The following HDAC1 variants were observed in gnomAD, a reference collection of about 807,000 sequenced individuals.
HDAC1 encodes protein deacetylase HDAC1.
HDAC1 carries 18 observed loss-of-function variants against 65.5 expected under a neutral mutation model. The ratio of observed to expected loss-of-function variants is 0.27; its 90% CI spans 0.19 to 0.41. The LOEUF is 0.41. Ranked by LOEUF, HDAC1 falls within the 10% of genes least tolerant of loss-of-function variation. The pLI is 1.00. For synonymous variants in HDAC1, 211 were observed against 227.9 expected (o/e 0.93, Z 0.67); for missense variants, 373 against 625.2 (o/e 0.60, Z 4.30).
chr1:32,330,845 C>T lies in HDAC1; in HGVS notation c.916C>T (p.Arg306Cys), dbSNP rs780754516. 6 of 1,613,968 alleles carry T rather than the reference C, an allele frequency of 3.7e-6. No homozygotes were observed. Among genetic ancestry groups the T allele is most frequent in the Admixed American group, 3.3e-5 (2 of 60,000 alleles). ...GCTGGGAGGCGGTGGTTACACCATT[C>T]GTAACGTTGCCCGGTGCTGGACATA... Reference protein sequence around the residue: ...LMLGGGGYTIRNVARCWTYET... With the variant: ...LMLGGGGYTICNVARCWTYET... Residue 306 changes from arginine to cysteine, a missense_variant, in exon 9 of 14, where the codon CGT becomes TGT. Physicochemically the swap from Arg to Cys is radical, Grantham distance 180 (BLOSUM62 -3). This residue lies in a region of HDAC1 where 105 missense variants were observed against 192.6 expected (regional missense o/e 0.55). Transcript: ENST00000373548. This position sits in a 1 kb window ranked among gnomAD's most constrained non-coding sequence, Gnocchi z 4.2.
intron 1 of HDAC1, among the ~76,000 whole-genome samples, chr1:32,300,201 C>A (rs1640828185): frequency 6.6e-6 from 1 of 152,144 alleles, no homozygotes; most frequent in Admixed American, 6.6e-5. Context: ...TTCATTGAAT[C>A]TTTATTGAGC....
intron 1 of HDAC1, among the ~76,000 whole-genome samples, chr1:32,294,067 CAAA>C (rs1199332480): frequency 3.4e-5 from 3 of 89,406 alleles, no homozygotes; most frequent in African/African-American, 1.0e-4. Flanking sequence ...GACTTCGTCT[CAAA>C]AAAAAAAAAA....
At chr1:32,294,197 C>T (rs1265519227) in intron 1 of HDAC1, among the ~76,000 whole-genome samples, 1 of 152,116 alleles carries the variant, frequency 6.6e-6, no homozygotes, top group Non-Finnish European at 1.5e-5. Flanking sequence ...GGCTGGAGTG[C>T]AGTGGCTTGA....
intron 2 of HDAC1, among the ~76,000 whole-genome samples, chr1:32,306,996 A>G (rs1640919767): frequency 6.6e-6 from 1 of 152,216 alleles, no homozygotes. Flanking sequence ...CTGTAATCCC[A>G]GCACTTTGGG....
chr1:32,305,559 T>C (rs1640899324), intron 2 of HDAC1, among the ~76,000 whole-genome samples: 1 of 151,934 alleles, frequency 6.6e-6, no homozygotes, highest in African/African-American at 2.4e-5. Context: ...TATATTCCCC[T>C]ACTGAAATTC....
chr1:32,299,973 G>A lies in HDAC1; in HGVS notation c.50-2648G>A, dbSNP rs544965789. ...CTTGGGAGGCTGAGGCAGGAGAATG[G>A]CGTGAACCCTGGAGGCGGAGCTTGC... is the stretch of plus-strand genomic sequence containing the variant. On this transcript the variant is annotated intron_variant, in intron 1 of 13. Transcript: ENST00000373548. Among the ~76,000 whole-genome samples, 505 of 152,082 alleles carry A rather than the reference G, an allele frequency of 3.3e-3. 2 individuals are homozygous for A. Among genetic ancestry groups the A allele is most frequent in the Non-Finnish European group, 5.6e-3 (378 of 67,962 alleles).
At chr1:32,303,544 T>C (rs1640876207) in intron 2 of HDAC1, among the ~76,000 whole-genome samples, 1 of 152,202 alleles carries the variant, frequency 6.6e-6, no homozygotes, top group African/African-American at 2.4e-5. Flanking sequence ...GCCAAATCTC[T>C]AGTTATTAGA....
rs59708330 is a variant in HDAC1, at chr1:32,306,192, C to CT, written c.162+3474dup. Reference sequence around the variant, plus strand: ...TTCACTTTTTTTTCTTTTTCTTTTTCTTTTTTTTTTTTTTTGAGACAGAGT... The same window carrying CT: ...TTCACTTTTTTTTCTTTTTCTTTTTCTTTTTTTTTTTTTTTTGAGACAGAGT... On this transcript the variant is annotated intron_variant, in intron 2 of 13. Coordinates refer to ENST00000373548, the MANE Select transcript of HDAC1 (RefSeq NM_004964.3). Among the ~76,000 whole-genome samples, 701 of 137,458 alleles carry CT rather than the reference C, an allele frequency of 5.1e-3. 1 individual carries two copies. The highest frequency in any genetic ancestry group is 0.011 in the African/African-American group (413 of 37,524). The allele number at this position is 137,458 out of a possible 152,430, so 90.2% of individuals were successfully genotyped here. A position where few individuals can be genotyped will look rare whatever the true frequency, so the allele number is the denominator to read the frequency against.
chr1:32,306,006 T>G (rs1392497928), intron 2 of HDAC1, among the ~76,000 whole-genome samples: 3 of 152,114 alleles, frequency 2.0e-5, no homozygotes, highest in African/African-American at 4.8e-5. Context: ...GTGTGTCTGG[T>G]TTTGGGCTCT....
intron 2 of HDAC1, among the ~76,000 whole-genome samples, chr1:32,303,973 T>C (rs1320902774): frequency 6.6e-6 from 1 of 152,236 alleles, no homozygotes; most frequent in African/African-American, 2.4e-5. Context: ...GTTCCCAGTT[T>C]TAACCTCTCT....
At chr1:32,298,120 T>C (rs1277366626) in intron 1 of HDAC1, among the ~76,000 whole-genome samples, 2 of 76,846 alleles carry the variant, frequency 2.6e-5, no homozygotes, top group Non-Finnish European at 5.1e-5. Context: ...CAAGTTTTGC[T>C]CTTGTTGCCC....
chr1:32,306,450 G>A (rs993473303), intron 2 of HDAC1, among the ~76,000 whole-genome samples: 24 of 151,990 alleles, frequency 1.6e-4, no homozygotes, highest in African/African-American at 5.1e-4. Flanking sequence ...GAGCCATGGC[G>A]CCCGGCCTCT....
At chr1:32,305,855 C>T (rs1329148201) in intron 2 of HDAC1, among the ~76,000 whole-genome samples, 2 of 152,134 alleles carry the variant, frequency 1.3e-5, no homozygotes, top group East Asian at 3.9e-4. Context: ...AGTGATCTGT[C>T]CACCTTGGCC....
intron 1 of HDAC1, among the ~76,000 whole-genome samples, chr1:32,294,154 A>G (rs1640735695): frequency 6.6e-6 from 1 of 151,306 alleles, no homozygotes; most frequent in South Asian, 2.1e-4. Flanking sequence ...AGTATTTTTT[A>G]TTTTTTGAGA....
chr1:32,308,701 G>T (rs1462328875), intron 2 of HDAC1, among the ~76,000 whole-genome samples: 2 of 152,050 alleles, frequency 1.3e-5, no homozygotes, highest in African/African-American at 4.8e-5. Flanking sequence ...TGTATTTTTA[G>T]TAGAGACGGG....
At position 32,333,435 on chromosome 1, in the gene HDAC1, T is replaced by G. The variant is rs116325719; in HGVS notation, c.*391T>G. 1,014 of 159,352 alleles carry G rather than the reference T, an allele frequency of 6.4e-3. 11 individuals carry two copies. The highest frequency in any genetic ancestry group is 0.023 in the African/African-American group (958 of 41,696). The allele number at this position is 159,352 out of a possible 1,614,324, so 9.9% of individuals were successfully genotyped here. ...TCCTGTTTTTTTCAGGCTCCTAAAG[T>G]AACATCAGCCATTTTTAGATTGGTT... On this transcript the variant is annotated 3_prime_UTR_variant, in exon 14 of 14. Transcript: ENST00000373548.
chr1:32,332,747 A>C lies in HDAC1; in HGVS notation c.1419A>C (p.Lys473Asn), dbSNP rs899405427. Residue 473 changes from lysine (K) to asparagine (N), a missense_variant and splice_region_variant, in exon 13 of 14, where the codon AAA becomes AAC. Lys to Asn is a moderately conservative substitution (Grantham distance 94, BLOSUM62 0). Around this residue, in one of 4 missense-constraint regions of HDAC1, gnomAD observed 126 missense variants for 126.2 expected, o/e 1.00. Transcript: ENST00000373548. ...EKTKEEKPEA[K>N]GVKEEVKLA is the part of the protein sequence containing the mutation. ...CCAAGGAGGAGAAGCCAGAAGCCAA[A>C]GGGTGAGGAAGGAGCTGCCTGTGGC... 15 of 1,554,124 alleles carry C rather than the reference A, an allele frequency of 9.7e-6. No homozygotes were observed. The highest frequency in any genetic ancestry group is 1.7e-4 in the Middle Eastern group (1 of 5,996).
chr1:32,314,064 G>A (rs1416234526), intron 2 of HDAC1, among the ~76,000 whole-genome samples: 1 of 152,160 alleles, frequency 6.6e-6, no homozygotes, highest in African/African-American at 2.4e-5. Flanking sequence ...GTTATTGTTC[G>A]TTTTTGAACT....
At chr1:32,295,532 G>A (rs1640757948) in intron 1 of HDAC1, among the ~76,000 whole-genome samples, 1 of 152,162 alleles carries the variant, frequency 6.6e-6, no homozygotes, top group Non-Finnish European at 1.5e-5. Context: ...CCAATATGGT[G>A]CTTTGAATTC....
Sources: gnomAD v4.1 joint callset for allele counts (sites outside exome capture counted in the v4.1 genomes callset) on GRCh38, gnomAD v4.1.1 for gene constraint, gnomAD v4.1.1 regional missense constraint, Gnocchi (gnomAD v3.1) non-coding constraint, MANE v1.5 for transcripts, NCBI Gene and HGNC (gene_info 2026-07-23, HGNC 2026-07-21) for gene names.